CNDP1: variants seen among roughly 807,000 people sequenced by gnomAD.
The protein encoded by CNDP1 is carnosine dipeptidase 1.
In CNDP1, 44 loss-of-function variants were observed where a neutral mutation model predicts 58.1. That is an observed-to-expected ratio of 0.76 (90% CI 0.60 to 0.97). CNDP1 has a LOEUF of 0.97. Ranked by LOEUF, CNDP1 falls within the 50% of genes least tolerant of loss-of-function variation. The probability of loss-of-function intolerance (pLI) is 0.00; values close to 1 mark genes in which losing one functional copy is unlikely to be tolerated. For synonymous variants in CNDP1, 254 were observed against 252.6 expected (o/e 1.01, Z -0.05); for missense variants, 616 against 655.1 (o/e 0.94, Z 0.65).
In CNDP1 at chr18:74,559,487, C is replaced by A. The variant is rs1438414808; in HGVS notation, c.303+15C>A. ...GTCCTCAGCAGGTGCTGTACGATTC[C>A]CTCCCACTGAGGGAGGTGCTACTTC... On this transcript the variant is annotated intron_variant, in intron 3 of 11. Coordinates refer to ENST00000358821, the MANE Select transcript of CNDP1 (RefSeq NM_032649.6). 2 of 1,593,732 alleles carry A rather than the reference C, an allele frequency of 1.3e-6. No homozygotes were observed. The highest frequency in any genetic ancestry group is 1.7e-6 in the Non-Finnish European group (2 of 1,174,748).
intron 6 of CNDP1, among the ~76,000 whole-genome samples, chr18:74,569,088 T>C (rs1469208428): frequency 6.6e-6 from 1 of 152,088 alleles, no homozygotes; most frequent in Non-Finnish European, 1.5e-5. Flanking sequence ...GAACAGGTGG[T>C]ACAGCAACGT....
Position 74,567,375 on chromosome 18 carries a change from G to A in CNDP1, c.698G>A (p.Ser233Asn). The change falls in exon 6 of 12, where the codon AGC (serine) becomes AAC (asparagine). Residue 233 changes from serine (S) to asparagine (N), a missense_variant. Physicochemically the swap from Ser to Asn is conservative, Grantham distance 46. Transcript: ENST00000358821. Reference protein sequence around the residue: ...YIVISDNLWISQRKPAITYGT... With the variant: ...YIVISDNLWINQRKPAITYGT... The stretch of plus-strand genomic sequence containing the variant: ...GTAATTTCAGATAACCTGTGGATCA[G>A]CCAAAGGAAGCCAGCAATCACTTAC... 1.9e-6 allele frequency: 3 copies of A among 1,614,126 alleles called. No homozygotes were observed. The highest frequency in any genetic ancestry group is 8.5e-7 in the Non-Finnish European group (1 of 1,180,002).
chr18:74,541,167 G>A (rs1304771016), intron 1 of CNDP1, among the ~76,000 whole-genome samples: 2 of 152,236 alleles, frequency 1.3e-5, no homozygotes, highest in Non-Finnish European at 2.9e-5. Flanking sequence ...ATCACCCGCT[G>A]GGGGCTCACA....
At chr18:74,562,214 G>GAACAC in intron 5 of CNDP1, 79 bp downstream of exon 5, 4 of 1,292,894 alleles carry the variant, frequency 3.1e-6, no homozygotes, top group South Asian at 1.2e-5. Flanking sequence ...GCTGTGTTCT[G>GAACAC]AGCAAACTGC....
In CNDP1 at chr18:74,534,513, T is replaced by A. The variant is rs1482652613; in HGVS notation, c.-155T>A. 4.2e-6 allele frequency: 3 copies of A among 716,392 alleles called. No individual in the cohort carries two copies. Among genetic ancestry groups the A allele is most frequent in the African/African-American group, 1.8e-5 (1 of 56,802 alleles). 44.4% of individuals were successfully genotyped at this position (716,392 alleles called of 1,614,324 possible). A position where few individuals can be genotyped will look rare whatever the true frequency, so the allele number is the denominator to read the frequency against. ...GCTTTGTTCTCCAGATGTGAATAGC[T>A]CCACTATACCAGCCTCGTCTTCCTT... is the stretch of plus-strand genomic sequence containing the variant. On this transcript the variant is annotated 5_prime_UTR_variant, in exon 1 of 12. Transcript: ENST00000358821.
chr18:74,578,395 C>G, intron 9 of CNDP1, 68 bp downstream of exon 9: 2 of 1,458,788 alleles, frequency 1.4e-6, no homozygotes, highest in African/African-American at 1.4e-5. Flanking sequence ...CACATCACGG[C>G]TTAGTGAGCA....
At chr18:74,578,403 G>A (rs62097577) in intron 9 of CNDP1, 76 bp downstream of exon 9, 9 of 1,407,840 alleles carry the variant, frequency 6.4e-6, no homozygotes, top group Non-Finnish European at 8.7e-6. Context: ...GGCTTAGTGA[G>A]CAGTGAGGTT....
chr18:74,566,680 G>T (rs1326832442), intron 5 of CNDP1, among the ~76,000 whole-genome samples: 1 of 152,206 alleles, frequency 6.6e-6, no homozygotes, highest in African/African-American at 2.4e-5. Context: ...TCAGCATTTT[G>T]GGCAAAGCCA....
Position 74,584,230 on chromosome 18 carries a change from C to G in CNDP1, c.1458-266C>G, listed in dbSNP as rs181313294. On this transcript the variant is annotated intron_variant, in intron 11 of 11. Transcript: ENST00000358821. ...CTGAGAAACAAGAAATTGTTTGACC[C>G]TGATATCCATATCAGTGATAAGAAA... 2.3e-3 allele frequency: 1,066 copies of G among 467,282 alleles called. 2 individuals are homozygous for G. Among genetic ancestry groups the G allele is most frequent in the Non-Finnish European group, 3.2e-3 (815 of 258,278 alleles). 28.9% of individuals were successfully genotyped at this position (467,282 alleles called of 1,614,324 possible). A position where few individuals can be genotyped will look rare whatever the true frequency, so the allele number is the denominator to read the frequency against.
chr18:74,569,497 A>G (rs562377541), intron 6 of CNDP1, among the ~76,000 whole-genome samples: 1 of 152,328 alleles, frequency 6.6e-6, no homozygotes, highest in South Asian at 2.1e-4. Context: ...CACCGTAAGC[A>G]TTCCAGAGTT....
intron 1 of CNDP1, among the ~76,000 whole-genome samples, chr18:74,553,563 G>A (rs927089185): frequency 6.6e-6 from 1 of 152,148 alleles, no homozygotes. Flanking sequence ...AAAATCAGTT[G>A]ATCATAAATG....
rs780328567 is a variant in CNDP1 at position 74,575,132 on chromosome 18, AAAAG to A, written c.842-1730_842-1727del. ...GGAAAGAAAGGAAGGAAGGAAAGAA[AAAAG>A]AAAGAAGAAAGAAAGAGAAGGAAGG... On this transcript the variant is annotated intron_variant, in intron 7 of 11. Coordinates refer to ENST00000358821, the MANE Select transcript of CNDP1 (RefSeq NM_032649.6). Among the ~76,000 whole-genome samples, 21 of 152,078 alleles carry A rather than the reference AAAAG, an allele frequency of 1.4e-4. No individual in the cohort carries two copies. The South Asian group carries it at 2.7e-3, about 20-fold the overall frequency.
chr18:74,547,112 G>A lies in CNDP1; in HGVS notation c.25-9226G>A, dbSNP rs1599087275. The stretch of plus-strand genomic sequence containing the variant: ...CGTTGGCTCAGCTCCGTGCCTACAG[G>A]AAATCAACAGAATCCAGAAAAACCC... On this transcript the variant is annotated intron_variant, in intron 1 of 11. Coordinates refer to ENST00000358821, the MANE Select transcript of CNDP1 (RefSeq NM_032649.6). 2.0e-5 allele frequency among the ~76,000 whole-genome samples: 3 copies of A among 152,324 alleles called. No individual in the cohort carries two copies. The South Asian group carries it at 6.2e-4, about 32-fold the overall frequency.
At chr18:74,542,430 G>A (rs914203026) in intron 1 of CNDP1, among the ~76,000 whole-genome samples, 4 of 152,224 alleles carry the variant, frequency 2.6e-5, no homozygotes, top group Admixed American at 1.3e-4. Context: ...ACCAGGTAGC[G>A]TTCCCAGCAC....
At chr18:74,571,428 A>G (rs1473330590) in intron 7 of CNDP1, among the ~76,000 whole-genome samples, 158 bp downstream of exon 7, 1 of 152,110 alleles carries the variant, frequency 6.6e-6, no homozygotes, top group South Asian at 2.1e-4. Context: ...CCCTCCACTT[A>G]TAAGTAAGTC....
At chr18:74,536,841 G>A (rs1980497102) in intron 1 of CNDP1, among the ~76,000 whole-genome samples, 2 of 152,174 alleles carry the variant, frequency 1.3e-5, no homozygotes, top group South Asian at 4.1e-4. Context: ...TGTTTGATGT[G>A]AGATGGTATC....
chr18:74,552,391 C>G (rs1172935596), intron 1 of CNDP1, among the ~76,000 whole-genome samples: 2 of 152,120 alleles, frequency 1.3e-5, no homozygotes, highest in African/African-American at 4.8e-5. Flanking sequence ...GGTTTTATAA[C>G]ATTTTCATCA....
intron 1 of CNDP1, among the ~76,000 whole-genome samples, chr18:74,536,321 T>C (rs1221466715): frequency 2.0e-5 from 3 of 152,156 alleles, no homozygotes; most frequent in African/African-American, 7.2e-5. Context: ...CCCCAGTGTG[T>C]GTTGTTCTCC....
chr18:74,582,031 G>A (rs1981802804), intron 10 of CNDP1, among the ~76,000 whole-genome samples: 1 of 152,218 alleles, frequency 6.6e-6, no homozygotes, highest in African/African-American at 2.4e-5. Context: ...AAGACAGGGA[G>A]CCATGCTTCT....
Sources: allele counts gnomAD v4.1 joint callset (sites outside exome capture counted in the v4.1 genomes callset), GRCh38; gene constraint gnomAD v4.1.1; transcripts MANE v1.5; gene names NCBI Gene and HGNC (gene_info 2026-07-23, HGNC 2026-07-21).